NAALADL2: variants seen among roughly 807,000 people sequenced by gnomAD.
The protein encoded by NAALADL2 is inactive N-acetylated-alpha-linked acidic dipeptidase-like protein 2.
NAALADL2 carries 76 observed loss-of-function variants against 87.2 expected under a neutral mutation model. The ratio of observed to expected loss-of-function variants is 0.87; its 90% CI spans 0.72 to 1.05. The LOEUF (loss-of-function observed/expected upper bound fraction) is 1.05. Among genes scored for constraint, NAALADL2 ranks in the 50% least tolerant of loss-of-function variants. The probability of loss-of-function intolerance (pLI) is 0.00; values close to 1 mark genes in which losing one functional copy is unlikely to be tolerated. For missense variants in NAALADL2, 1,089 were observed against 945.8 expected (o/e 1.15, Z -1.99); for synonymous variants, 354 against 331.0 (o/e 1.07, Z -0.75).
rs1383796394 is a variant in NAALADL2, at chr3:175,682,204, A to T, written c.1896+54818A>T. 2.0e-5 allele frequency among the ~76,000 whole-genome samples: 3 copies of T among 152,176 alleles called. No individual in the cohort carries two copies. In the East Asian group the frequency reaches 5.8e-4, roughly 29 times the overall value. ...CAAATTCCAAATAAGAAGTCATCTA[A>T]TTATAAGAAAGATAGCCAAAATACA... On this transcript the variant is annotated intron_variant, in intron 11 of 13. Coordinates refer to ENST00000454872, the MANE Select transcript of NAALADL2 (RefSeq NM_207015.3).
intron 1 of NAALADL2, among the ~76,000 whole-genome samples, chr3:175,094,648 A>T (rs1185131819): frequency 6.6e-6 from 1 of 151,858 alleles, no homozygotes; most frequent in African/African-American, 2.4e-5. Context: ...GAGGGAGGGA[A>T]AAAGAAAAGC....
At chr3:174,734,214 C>T (rs1280993517) in intron 2 of NAALADL2, among the ~76,000 whole-genome samples, 1 of 152,056 alleles carries the variant, frequency 6.6e-6, no homozygotes, top group Non-Finnish European at 1.5e-5. Flanking sequence ...ATTTCCAATC[C>T]TCCTCATTCC....
intron 3 of NAALADL2, among the ~76,000 whole-genome samples, chr3:174,815,244 A>G (rs1000829541): frequency 6.6e-6 from 1 of 152,132 alleles, no homozygotes; most frequent in Non-Finnish European, 1.5e-5. Context: ...CAACAGAAAT[A>G]TATTTTCTCG....
intron 1 of NAALADL2, among the ~76,000 whole-genome samples, chr3:174,888,837 AG>A (rs1442154736): frequency 6.6e-6 from 1 of 152,268 alleles, no homozygotes; most frequent in African/African-American, 2.4e-5. Context: ...ATATAAATTG[AG>A]TCAAAATATT....
At chr3:175,013,761 T>A (rs777923647) in intron 1 of NAALADL2, among the ~76,000 whole-genome samples, 4 of 152,056 alleles carry the variant, frequency 2.6e-5, no homozygotes, top group Non-Finnish European at 2.9e-5. Context: ...TATATACAAC[T>A]CTCCTGGTCT....
Position 175,758,029 on chromosome 3 carries a change from C to T in NAALADL2, c.2189+2611C>T, listed in dbSNP as rs536215251. On this transcript the variant is annotated intron_variant, in intron 13 of 13. Transcript: ENST00000454872. ...GCACTTGCACTGGATACGGAAGACC[C>T]CTCTATGGTCTAAATTATGCATCTG... 3.3e-5 allele frequency among the ~76,000 whole-genome samples: 5 copies of T among 152,058 alleles called. No homozygotes were observed. In the East Asian group the frequency reaches 9.6e-4, roughly 29 times the overall value.
At chr3:174,710,792 C>A (rs931561802) in intron 2 of NAALADL2, among the ~76,000 whole-genome samples, 1 of 152,116 alleles carries the variant, frequency 6.6e-6, no homozygotes, top group Non-Finnish European at 1.5e-5. Context: ...CAAGAATGAA[C>A]TTCTTGTTGA....
rs543280535 is a variant in NAALADL2, at chr3:174,507,712, T to A, written c.-183-42857T>A. Among the ~76,000 whole-genome samples the A allele has an allele frequency of 3.1e-4, 47 of 151,732 alleles. 1 individual carries two copies. Among genetic ancestry groups the A allele is most frequent in the Non-Finnish European group, 5.0e-4 (34 of 67,816 alleles). The stretch of plus-strand genomic sequence containing the variant: ...CAGGATAATGCTTGTGAGATTCATC[T>A]ATGTTGTTCATGTTCAAGTAGTTTG... On this transcript the variant is annotated intron_variant, in intron 1 of 3. Coordinates refer to the NAALADL2 transcript ENST00000434257.
intron 1 of NAALADL2, among the ~76,000 whole-genome samples, chr3:175,015,944 C>T (rs1481085637): frequency 6.6e-6 from 1 of 151,572 alleles, no homozygotes; most frequent in Admixed American, 6.6e-5. Context: ...GACATAAATA[C>T]CTGATAATCA....
intron 1 of NAALADL2, among the ~76,000 whole-genome samples, chr3:174,491,669 A>AT (rs1229298846): frequency 6.6e-6 from 1 of 152,070 alleles, no homozygotes. Context: ...AAATATTGCC[A>AT]TTTTTTTCCA....
chr3:175,724,435 G>T (rs982957768), intron 11 of NAALADL2, among the ~76,000 whole-genome samples: 1 of 152,098 alleles, frequency 6.6e-6, no homozygotes, highest in Non-Finnish European at 1.5e-5. Flanking sequence ...TTCAAAGAAA[G>T]TTACTGTAAG....
At chr3:175,103,708 G>T (rs574877787) in intron 2 of NAALADL2, among the ~76,000 whole-genome samples, 1 of 152,060 alleles carries the variant, frequency 6.6e-6, no homozygotes, top group African/African-American at 2.4e-5. Flanking sequence ...TAACTTATAG[G>T]GATGAATTTT....
At chr3:175,596,690 GT>G (rs1318464049) in intron 10 of NAALADL2, among the ~76,000 whole-genome samples, 1 of 151,808 alleles carries the variant, frequency 6.6e-6, no homozygotes, top group African/African-American at 2.4e-5. Context: ...AAATATTTTA[GT>G]GTACATTACC....
intron 1 of NAALADL2, among the ~76,000 whole-genome samples, chr3:174,510,952 C>A (rs1231825767): frequency 6.6e-6 from 1 of 151,766 alleles, no homozygotes; most frequent in South Asian, 2.1e-4. Context: ...TTCTGTTGAT[C>A]CATGTGTCAT....
chr3:175,598,624 T>C (rs1208989121), intron 10 of NAALADL2, among the ~76,000 whole-genome samples: 1 of 152,122 alleles, frequency 6.6e-6, no homozygotes, highest in Non-Finnish European at 1.5e-5. Flanking sequence ...ACTCAAAGTA[T>C]TGAAGTTTCC....
At chr3:175,478,671 G>T (rs1308211511) in intron 9 of NAALADL2, among the ~76,000 whole-genome samples, 1 of 151,864 alleles carries the variant, frequency 6.6e-6, no homozygotes, top group African/African-American at 2.4e-5. Flanking sequence ...AATGGCTTAA[G>T]CTGAGTTACT....
At chr3:174,750,822 T>C (rs115825371) in intron 3 of NAALADL2, among the ~76,000 whole-genome samples, 4 of 152,206 alleles carry the variant, frequency 2.6e-5, no homozygotes, top group Non-Finnish European at 4.4e-5. Flanking sequence ...TTCCTGCCAA[T>C]AGCAAGTTGG....
rs201722612 is a variant in NAALADL2 at position 175,439,314 on chromosome 3, AT to A, written c.1091-7904del. ...TGGCTATAAACATGCATGTGCAAGT[AT>A]TTTTTTTTTTATAATTACTTATTTT... is the stretch of plus-strand genomic sequence containing the variant. On this transcript the variant is annotated intron_variant, in intron 5 of 13. Coordinates refer to ENST00000454872, the MANE Select transcript of NAALADL2 (RefSeq NM_207015.3). Among the ~76,000 whole-genome samples, 569 of 147,448 alleles carry A rather than the reference AT, an allele frequency of 3.9e-3. 1 individual carries two copies. The highest frequency in any genetic ancestry group is 9.3e-3 in the African/African-American group (377 of 40,370).
chr3:174,587,065 T>C (rs910009931), intron 2 of NAALADL2, among the ~76,000 whole-genome samples: 1 of 150,374 alleles, frequency 6.7e-6, no homozygotes, highest in Non-Finnish European at 1.5e-5. Context: ...TTCTCACCTA[T>C]GAGTGAGGAC....
Sources: gnomAD v4.1 joint callset for allele counts (sites outside exome capture counted in the v4.1 genomes callset) on GRCh38, gnomAD v4.1.1 for gene constraint, MANE v1.5 for transcripts, NCBI Gene and HGNC (gene_info 2026-07-23, HGNC 2026-07-21) for gene names.